The following GLG1 variants were observed in gnomAD, a reference collection of about 807,000 sequenced individuals.
GLG1 encodes the protein Golgi apparatus protein 1.
Under a neutral mutation model 160.5 loss-of-function variants are expected in GLG1, and 38 were observed. The ratio of observed to expected loss-of-function variants is 0.24; its 90% CI spans 0.18 to 0.31. GLG1 has a LOEUF of 0.31. Ranked by LOEUF, GLG1 falls within the 10% of genes least tolerant of loss-of-function variation. The pLI is 1.00. For synonymous variants in GLG1, 644 were observed against 543.4 expected, an observed-to-expected ratio of 1.19 and a Z score of -2.57; for missense variants, 1,373 against 1,505.2, an observed-to-expected ratio of 0.91 and a Z score of 1.45.
chr16:74,527,611 T>C (rs1349106296), intron 2 of GLG1, among the ~76,000 whole-genome samples: 1 of 152,200 alleles, frequency 6.6e-6, no homozygotes, highest in East Asian at 1.9e-4. Flanking sequence ...TTTTCTCTTC[T>C]AGTGCTCCTA....
At chr16:74,591,552 C>A (rs913435493) in intron 1 of GLG1, among the ~76,000 whole-genome samples, 1 of 151,880 alleles carries the variant, frequency 6.6e-6, no homozygotes, top group Non-Finnish European at 1.5e-5. Flanking sequence ...GGCCTGAACC[C>A]GGGAGGCGGA....
At chr16:74,463,973 C>T (rs894545653) in intron 19 of GLG1, 7 of 164,790 alleles carry the variant, frequency 4.2e-5, no homozygotes, top group African/African-American at 7.2e-5. Flanking sequence ...TAAACAGCAC[C>T]GCACTTGGAC....
intron 2 of GLG1, among the ~76,000 whole-genome samples, chr16:74,510,603 A>T (rs2016773699): frequency 6.6e-6 from 1 of 152,030 alleles, no homozygotes; most frequent in African/African-American, 2.4e-5. Flanking sequence ...GCTACTATAT[A>T]CTCCTAGACA....
At chr16:74,575,245 G>GA (rs776837754) in intron 1 of GLG1, among the ~76,000 whole-genome samples, 3 of 151,538 alleles carry the variant, frequency 2.0e-5, no homozygotes, top group Admixed American at 2.0e-4. Flanking sequence ...GACTCCATCT[G>GA]AAAAAAAGAA....
At chr16:74,595,490 T>A (rs371335174) in intron 1 of GLG1, among the ~76,000 whole-genome samples, 1 of 152,184 alleles carries the variant, frequency 6.6e-6, no homozygotes, top group East Asian at 1.9e-4. Context: ...TGAGCCAAGA[T>A]CGCGCCACTG....
intron 2 of GLG1, among the ~76,000 whole-genome samples, chr16:74,522,983 A>C (rs186377796): frequency 6.6e-6 from 1 of 152,296 alleles, no homozygotes; most frequent in Admixed American, 6.5e-5. Context: ...GGAACCCAGC[A>C]ATACTGTCTT....
intron 2 of GLG1, among the ~76,000 whole-genome samples, chr16:74,520,256 C>T (rs1433515193): frequency 6.6e-6 from 1 of 152,176 alleles, no homozygotes; most frequent in Non-Finnish European, 1.5e-5. Context: ...TTCTCTCAGG[C>T]TGATTCATTA....
chr16:74,501,283 G>A (rs1319169760), intron 4 of GLG1, among the ~76,000 whole-genome samples: 1 of 152,188 alleles, frequency 6.6e-6, no homozygotes, highest in African/African-American at 2.4e-5. Flanking sequence ...GTTCATGTGT[G>A]AGTCTATCTC....
chr16:74,487,154 C>A (rs1673070430), intron 8 of GLG1, among the ~76,000 whole-genome samples: 1 of 152,132 alleles, frequency 6.6e-6, no homozygotes, highest in Admixed American at 6.5e-5. Context: ...GATCCGCCCA[C>A]CTCGAACTCC....
intron 16 of GLG1, 116 bp from the exon 17 acceptor site, chr16:74,469,179 C>G: frequency 4.2e-6 from 3 of 717,090 alleles, no homozygotes; most frequent in Non-Finnish European, 7.6e-6. Context: ...GGGGGAATGT[C>G]TTTCCTGTAA....
At chr16:74,552,340 T>C (rs537564882) in intron 1 of GLG1, 143 of 592,894 alleles carry the variant, frequency 2.4e-4, no homozygotes, top group South Asian at 1.5e-3. Context: ...TCCACCTTCC[T>C]AAGTACCCAG....
At chr16:74,587,902 A>G (rs1958089204) in intron 1 of GLG1, among the ~76,000 whole-genome samples, 2 of 152,216 alleles carry the variant, frequency 1.3e-5, no homozygotes, top group Admixed American at 6.6e-5. Context: ...GGTGTAAAGA[A>G]AAACATGAAC....
intron 1 of GLG1, among the ~76,000 whole-genome samples, chr16:74,559,311 T>C (rs1277916195): frequency 6.7e-6 from 1 of 149,738 alleles, no homozygotes; most frequent in Non-Finnish European, 1.5e-5. Flanking sequence ...GGCATGGTGG[T>C]GTGCAACTGT....
intron 5 of GLG1, 86 bp from the exon 6 acceptor site, chr16:74,494,917 T>C (rs2016131636): frequency 1.4e-6 from 1 of 706,278 alleles, no homozygotes; most frequent in Admixed American, 2.0e-5. Flanking sequence ...GAGCTTTCTA[T>C]TAAACGATTA....
intron 25 of GLG1, among the ~76,000 whole-genome samples, chr16:74,454,679 A>C (rs1275711400): frequency 3.7e-4 from 52 of 139,456 alleles, no homozygotes; most frequent in Middle Eastern, 6.9e-3. Flanking sequence ...AAAAAAAAAA[A>C]AAAAAAAAAA....
At position 74,512,827 on chromosome 16, in the gene GLG1, G is replaced by C. The variant is rs138334013; in HGVS notation, c.472-3902C>G. Among the ~76,000 whole-genome samples the C allele has an allele frequency of 1.0e-3, 156 of 152,292 alleles. 1 individual carries two copies. The highest frequency in any genetic ancestry group is 3.4e-3 in the African/African-American group (141 of 41,572). On this transcript the variant is annotated intron_variant, in intron 2 of 25. Coordinates refer to ENST00000422840, the MANE Select transcript of GLG1 (RefSeq NM_001145667.2). ...TAACAAGCATGCAGGAGATTTTACA[G>C]AACACAAAGGAAGAACACATTTTGG...
intron 1 of GLG1, among the ~76,000 whole-genome samples, chr16:74,576,072 T>G (rs953837347): frequency 1.3e-5 from 2 of 152,116 alleles, no homozygotes; most frequent in Non-Finnish European, 2.9e-5. Flanking sequence ...TGGTAGAGGT[T>G]GCCTGTAATC....
At chr16:74,535,343 A>G (rs2017660021) in intron 1 of GLG1, among the ~76,000 whole-genome samples, 1 of 152,280 alleles carries the variant, frequency 6.6e-6, no homozygotes, top group Non-Finnish European at 1.5e-5. Flanking sequence ...TGGAGACACA[A>G]AAGTGCAAAT....
At chr16:74,515,177 ACT>A (rs1359103335) in intron 2 of GLG1, among the ~76,000 whole-genome samples, 6 of 152,170 alleles carry the variant, frequency 3.9e-5, no homozygotes, top group Admixed American at 2.0e-4. Context: ...AGAGACTTAG[ACT>A]CTCACACAAT....
Sources: gnomAD v4.1 joint callset for allele counts (sites outside exome capture counted in the v4.1 genomes callset) on GRCh38, gnomAD v4.1.1 for gene constraint, MANE v1.5 for transcripts, NCBI Gene and HGNC (gene_info 2026-07-23, HGNC 2026-07-21) for gene names.